Variants in TECPR2 observed in about 807,000 individuals in gnomAD.
TECPR2 encodes tectonin beta-propeller repeat containing 2, also known as tectonin beta-propeller repeat-containing protein 2.
Under a neutral mutation model 138.1 loss-of-function variants are expected in TECPR2, and 65 were observed. The ratio of observed to expected loss-of-function variants is 0.47; its 90% CI spans 0.39 to 0.58. The LOEUF is 0.58. Among genes scored for constraint, TECPR2 ranks in the 20% least tolerant of loss-of-function variants. The pLI, the probability that TECPR2 is intolerant of heterozygous loss-of-function variation, is 0.00. For synonymous variants in TECPR2, 746 were observed against 749.8 expected, an observed-to-expected ratio of 0.99 and a Z score of 0.08; for missense variants, 1,553 against 1,824.5, an observed-to-expected ratio of 0.85 and a Z score of 2.71.
At chr14:102,465,545 G>A (rs952211219) in intron 17 of TECPR2, 24 of 1,182,118 alleles carry the variant, frequency 2.0e-5, no homozygotes, top group Middle Eastern at 3.4e-4. Context: ...ATAATATTTC[G>A]TTTTTGACTT....
chr14:102,426,437 G>A (rs1889323697), intron 6 of TECPR2, among the ~76,000 whole-genome samples: 1 of 152,114 alleles, frequency 6.6e-6, no homozygotes, highest in South Asian at 2.1e-4. Flanking sequence ...TTACCCTCCC[G>A]ACTCCTCACC....
intron 17 of TECPR2, among the ~76,000 whole-genome samples, chr14:102,476,206 C>CAAAAAAAAAAAAAAAAA (rs58293049): frequency 1.7e-5 from 1 of 59,682 alleles, no homozygotes; most frequent in African/African-American, 7.2e-5. Context: ...GACTCTGTCT[C>CAAAAAAAAAAAAAAAAA]AAAAAAAAAA....
At chr14:102,455,411 CTG>C (rs969408678) in intron 16 of TECPR2, among the ~76,000 whole-genome samples, 6 of 152,200 alleles carry the variant, frequency 3.9e-5, no homozygotes, top group African/African-American at 1.4e-4. Context: ...GCTCTGGACT[CTG>C]GGCAAGCTGC....
intron 7 of TECPR2, 51 bp from the exon 8 acceptor site, chr14:102,431,745 A>G (rs778055045): frequency 6.7e-7 from 1 of 1,500,746 alleles, no homozygotes; most frequent in Non-Finnish European, 8.9e-7. Flanking sequence ...ATAAGTGCAC[A>G]TCAGCTCTCT....
In TECPR2 at chr14:102,414,882, G is replaced by A. The variant is rs1888981793; in HGVS notation, c.638+89G>A. 3 of 1,514,780 alleles carry A rather than the reference G, an allele frequency of 2.0e-6. No individual in the cohort carries two copies. The African/African-American group carries it at 4.2e-5, about 21-fold the overall frequency. 93.8% of individuals were successfully genotyped at this position (1,514,780 alleles called of 1,614,324 possible). A position where few individuals can be genotyped will look rare whatever the true frequency, so the allele number is the denominator to read the frequency against. ...GGTTTCTTAGGTCTCCTGTTTGCCG[G>A]AGACCTCCTGTTTGCAAACCCACAG... On this transcript the variant is annotated intron_variant, in intron 5 of 19. Transcript: ENST00000359520.
intron 17 of TECPR2, among the ~76,000 whole-genome samples, chr14:102,479,130 A>G (rs993181358): frequency 2.0e-5 from 3 of 152,204 alleles, no homozygotes; most frequent in African/African-American, 7.2e-5. Flanking sequence ...TATAGAAGCA[A>G]TCATGAAAAA....
rs192114993 is a variant in TECPR2 at position 102,402,624 on chromosome 14, A to G, written c.220-4714A>G. On this transcript the variant is annotated intron_variant, in intron 2 of 19. Transcript: ENST00000359520. ...CCAAAAGTTGAATTTTTGTAAAGGT[A>G]AACAGAATTGACAAACCTTTAGCCA... Among the ~76,000 whole-genome samples the G allele has an allele frequency of 6.6e-5, 10 of 152,292 alleles. No homozygotes were observed. The East Asian group carries it at 1.9e-3, about 29-fold the overall frequency.
Position 102,415,696 on chromosome 14 carries a change from A to G in TECPR2, c.638+903A>G, listed in dbSNP as rs1889004894. Among the ~76,000 whole-genome samples, 2 of 152,162 alleles carry G rather than the reference A, an allele frequency of 1.3e-5. No homozygotes were observed. Among genetic ancestry groups the G allele is most frequent in the South Asian group, 4.1e-4 (2 of 4,832 alleles). On this transcript the variant is annotated intron_variant, in intron 5 of 19. Coordinates refer to ENST00000359520, the MANE Select transcript of TECPR2 (RefSeq NM_014844.5). This position sits in a 1 kb window ranked among gnomAD's most constrained non-coding sequence, Gnocchi z 4.3. The stretch of plus-strand genomic sequence containing the variant: ...ACAGATCATGCGTTGATGAGTCTAC[A>G]GTCATGGATTGTCGATTGGCCGATG...
At chr14:102,468,829 T>C (rs962877468) in intron 17 of TECPR2, among the ~76,000 whole-genome samples, 1 of 152,220 alleles carries the variant, frequency 6.6e-6, no homozygotes, top group East Asian at 1.9e-4. Context: ...TACATGTGGG[T>C]ATCGAATTGT....
intron 2 of TECPR2, among the ~76,000 whole-genome samples, chr14:102,405,844 G>A (rs1488245259): frequency 1.3e-5 from 2 of 152,198 alleles, no homozygotes; most frequent in African/African-American, 4.8e-5. Flanking sequence ...ATATGAGTAA[G>A]CCTTAAAAAG....
chr14:102,391,320 A>G (rs1029969492), intron 2 of TECPR2, among the ~76,000 whole-genome samples: 2 of 152,212 alleles, frequency 1.3e-5, no homozygotes, highest in African/African-American at 4.8e-5. Context: ...TCGGCCTCCC[A>G]AAGTGCTGGG....
At chr14:102,388,555 G>T (rs1196206725) in intron 2 of TECPR2, among the ~76,000 whole-genome samples, 1 of 152,038 alleles carries the variant, frequency 6.6e-6, no homozygotes, top group African/African-American at 2.4e-5. Flanking sequence ...TTGGCTGGGC[G>T]CAGTGGCTCA....
chr14:102,457,918 G>A lies in TECPR2; in HGVS notation c.3640+5291G>A, dbSNP rs1890313932. On this transcript the variant is annotated intron_variant, in intron 16 of 19. Coordinates refer to ENST00000359520, the MANE Select transcript of TECPR2 (RefSeq NM_014844.5). ...GATAGTGTCTCACCATGTTGCCCAG[G>A]CTGGAGTGCAATGGTCTGATTTTTG... Among the ~76,000 whole-genome samples the A allele has an allele frequency of 3.0e-5, 4 of 133,906 alleles. No homozygotes were observed. The South Asian group carries it at 9.6e-4, about 32-fold the overall frequency. The allele number at this position is 133,906 out of a possible 152,430, so 87.8% of individuals were successfully genotyped here. A position where few individuals can be genotyped will look rare whatever the true frequency, so the allele number is the denominator to read the frequency against.
chr14:102,440,558 G>A lies in TECPR2; in HGVS notation c.2701G>A (p.Asp901Asn), dbSNP rs967777387. Residue 901 changes from aspartate to asparagine, a missense_variant, in exon 11 of 20, where the codon GAT becomes AAT. Coordinates refer to ENST00000359520, the MANE Select transcript of TECPR2 (RefSeq NM_014844.5). ...LPQAVFVALS[D>N]DTAWIIRTSG... ...CCAGGCAGTGTTTGTGGCCCTGAGCGATGACACGGCCTGGATCATCAGGAC... is the reference window on the plus strand; with the variant it reads ...CCAGGCAGTGTTTGTGGCCCTGAGCAATGACACGGCCTGGATCATCAGGAC... 1.6e-5 allele frequency: 26 copies of A among 1,614,086 alleles called. No individual in the cohort carries two copies. The highest frequency in any genetic ancestry group is 8.0e-5 in the African/African-American group (6 of 74,946).
At chr14:102,483,970 T>C (rs1168074394) in intron 17 of TECPR2, among the ~76,000 whole-genome samples, 2 of 36,908 alleles carry the variant, frequency 5.4e-5, no homozygotes, top group African/African-American at 3.3e-4. Flanking sequence ...CTGATTCTTA[T>C]ATTTTCAGTA....
intron 17 of TECPR2, among the ~76,000 whole-genome samples, chr14:102,487,127 G>A (rs1891045573): frequency 2.0e-5 from 3 of 152,200 alleles, no homozygotes; most frequent in African/African-American, 4.8e-5. Flanking sequence ...GGGAGGGAGA[G>A]AGACTTGGAG....
Position 102,363,075 on chromosome 14 carries a change from G to C in TECPR2, c.-114G>C. The C allele has an allele frequency of 2.0e-6, 1 of 496,212 alleles. No homozygotes were observed. The highest frequency in any genetic ancestry group is 4.1e-5 in the Admixed American group (1 of 24,584). 30.7% of individuals were successfully genotyped at this position (496,212 alleles called of 1,614,324 possible). A position where few individuals can be genotyped will look rare whatever the true frequency, so the allele number is the denominator to read the frequency against. On this transcript the variant is annotated 5_prime_UTR_variant, in exon 1 of 20. Coordinates refer to ENST00000359520, the MANE Select transcript of TECPR2 (RefSeq NM_014844.5). ...GCCCGGAGTCCATCCCGCCTCCTCC[G>C]GCCCGGCGGGGCCGACGAGTCCGGA... is the stretch of plus-strand genomic sequence containing the variant.
chr14:102,469,245 C>T lies in TECPR2; in HGVS notation c.3789+3956C>T, dbSNP rs1297166311. 2.6e-5 allele frequency among the ~76,000 whole-genome samples: 4 copies of T among 152,258 alleles called. No individual in the cohort carries two copies. The South Asian group carries it at 8.3e-4, about 32-fold the overall frequency. On this transcript the variant is annotated intron_variant, in intron 17 of 19. Transcript: ENST00000359520. ...TTCCCATTTATTTAGATCTTCTTTA[C>T]TTTCCTTCACCAATGTTTTGTAGTT... is the stretch of plus-strand genomic sequence containing the variant.
intron 19 of TECPR2, 51 bp from the exon 20 acceptor site, chr14:102,498,052 C>CTCCCAGCTCCATCTGTGCCCAG: frequency 1.0e-6 from 1 of 1,003,120 alleles, no homozygotes; most frequent in African/African-American, 1.6e-5. Context: ...TCTGTGCCCA[C>CTCCCAGCTCCATCTGTGCCCAG]CCCACAGGCT....
Sources: gnomAD v4.1 joint callset for allele counts (sites outside exome capture counted in the v4.1 genomes callset) on GRCh38, gnomAD v4.1.1 for gene constraint, Gnocchi (gnomAD v3.1) non-coding constraint, MANE v1.5 for transcripts, NCBI Gene and HGNC (gene_info 2026-07-23, HGNC 2026-07-21) for gene names.